MYL2: variants seen among roughly 807,000 people sequenced by gnomAD.
The protein encoded by MYL2 is myosin regulatory light chain 2, ventricular/cardiac muscle isoform.
In MYL2, 19 loss-of-function variants were observed where a neutral mutation model predicts 23.0. That is an observed-to-expected ratio of 0.83 (90% CI 0.58 to 1.21). The LOEUF is 1.21. Among genes scored for constraint, MYL2 ranks in the 50% most tolerant of loss-of-function variants. The probability of loss-of-function intolerance (pLI) is 0.00; values close to 1 mark genes in which losing one functional copy is unlikely to be tolerated. For synonymous variants in MYL2, 78 were observed against 76.2 expected, an observed-to-expected ratio of 1.02 and a Z score of -0.13; for missense variants, 180 against 215.1, an observed-to-expected ratio of 0.84 and a Z score of 1.02.
intron 1 of MYL2, 36 bp downstream of exon 1, chr12:110,920,491 C>G (rs767025175): frequency 3.7e-5 from 59 of 1,613,966 alleles, no homozygotes; most frequent in African/African-American, 8.0e-5. Context: ...TCCTCGCCCA[C>G]CCGGCATCAT....
Position 110,918,947 on chromosome 12 carries a change from T to C in MYL2, c.93+157A>G, listed in dbSNP as rs1035535585. 2 of 650,020 alleles carry C rather than the reference T, an allele frequency of 3.1e-6. No individual in the cohort carries two copies. The highest frequency in any genetic ancestry group is 3.8e-5 in the South Asian group (2 of 52,530). The allele number at this position is 650,020 out of a possible 1,614,324, so 40.3% of individuals were successfully genotyped here. On this transcript the variant is annotated intron_variant, in intron 2 of 6. Transcript: ENST00000228841. The surrounding 1 kb of genome is among the most constrained non-coding windows in gnomAD (Gnocchi z 4.4). ...AGTGAAAATATTAAAAATAGTTTCT[T>C]TTAAAAATTCACACATCCGTTCAGG...
At position 110,917,545 on chromosome 12, in the gene MYL2, C is replaced by T. The variant is rs764050083; in HGVS notation, c.93+1559G>A. Among the ~76,000 whole-genome samples the T allele has an allele frequency of 3.9e-5, 6 of 152,268 alleles. No individual in the cohort carries two copies. In the South Asian group the frequency reaches 1.2e-3, roughly 32 times the overall value. ...CAGACCAAATGGGGAATCCTGGCTA[C>T]ATGTTTTGAGTTCTTTGCATCCCTT... is the stretch of plus-strand genomic sequence containing the variant. On this transcript the variant is annotated intron_variant, in intron 2 of 6. Transcript: ENST00000228841.
chr12:110,921,405 T>C (rs981726977), upstream of MYL2, among the ~76,000 whole-genome samples: 1 of 152,098 alleles, frequency 6.6e-6, no homozygotes, highest in African/African-American at 2.4e-5. Flanking sequence ...CGCTCCGATC[T>C]CCCTTCTTTG....
intron 4 of MYL2, among the ~76,000 whole-genome samples, chr12:110,913,714 G>C (rs538764064): frequency 6.6e-6 from 1 of 152,288 alleles, no homozygotes; most frequent in African/African-American, 2.4e-5. Context: ...GTCTGACTTA[G>C]GTTAAGTCTT....
intron 4 of MYL2, among the ~76,000 whole-genome samples, chr12:110,913,666 A>G (rs951514392): frequency 3.9e-5 from 6 of 152,178 alleles, no homozygotes; most frequent in African/African-American, 1.4e-4. Context: ...CCTAGTTGCT[A>G]TTAAGTGGGG....
chr12:110,917,425 C>T (rs1036162380), intron 2 of MYL2, among the ~76,000 whole-genome samples: 3 of 151,724 alleles, frequency 2.0e-5, no homozygotes, highest in Non-Finnish European at 4.4e-5. Flanking sequence ...GAAACCCTGT[C>T]TCTAGTAAAA....
At chr12:110,917,490 GACAAACAAACAA>G (rs113958682) in intron 2 of MYL2, among the ~76,000 whole-genome samples, 2 of 149,724 alleles carry the variant, frequency 1.3e-5, no homozygotes, top group African/African-American at 4.9e-5. Context: ...CATTTACTCA[GACAAACAAACAA>G]ACAAACAAAC....
At chr12:110,913,178 T>C (rs777809672) in intron 5 of MYL2, 34 bp from the exon 6 acceptor site, 24 of 1,610,430 alleles carry the variant, frequency 1.5e-5, no homozygotes, top group Non-Finnish European at 2.0e-5. Flanking sequence ...TTGGTGTCAG[T>C]TGTGTGTGTG....
upstream of MYL2, chr12:110,920,662 G>A: frequency 7.2e-7 from 1 of 1,384,226 alleles, no homozygotes; most frequent in East Asian, 2.3e-5. Context: ...AGTCATAGGT[G>A]AGGCGGGCAC....
chr12:110,919,915 C>T (rs1483695436), intron 1 of MYL2, among the ~76,000 whole-genome samples: 1 of 152,176 alleles, frequency 6.6e-6, no homozygotes, highest in African/African-American at 2.4e-5. Flanking sequence ...GCAACTGAGG[C>T]TCAGAGAGGT....
Position 110,911,024 on chromosome 12 carries a change from G to A in MYL2, c.*53C>T. 1 of 1,478,056 alleles carries A rather than the reference G, an allele frequency of 6.8e-7. No homozygotes were observed. The highest frequency in any genetic ancestry group is 9.5e-7 in the Non-Finnish European group (1 of 1,056,448). 91.6% of individuals were successfully genotyped at this position (1,478,056 alleles called of 1,614,324 possible). ...GGCGGTACTCGGGGGAGAGAGATGA[G>A]GGCAGGGACCACTCTGCAAAGACGA... On this transcript the variant is annotated 3_prime_UTR_variant, in exon 7 of 7. Transcript: ENST00000228841.
chr12:110,916,207 A>AT (rs1285110167), intron 2 of MYL2, among the ~76,000 whole-genome samples: 3 of 152,176 alleles, frequency 2.0e-5, no homozygotes, highest in African/African-American at 7.2e-5. Context: ...GTGGTGGCGC[A>AT]TGCCTGTAAT....
chr12:110,920,727 G>A (rs975119249), upstream of MYL2: 32 of 724,782 alleles, frequency 4.4e-5, 1 homozygote, highest in Non-Finnish European at 7.3e-5. Flanking sequence ...TGGCTCACTC[G>A]CCACTGGGTG....
In MYL2 at chr12:110,911,020, A is replaced by G; in HGVS notation, c.*57T>C. 1 of 1,445,512 alleles carries G rather than the reference A, an allele frequency of 6.9e-7. No homozygotes were observed. The highest frequency in any genetic ancestry group is 2.3e-5 in the East Asian group (1 of 43,926). 89.5% of individuals were successfully genotyped at this position (1,445,512 alleles called of 1,614,324 possible). ...CAGAGGCGGTACTCGGGGGAGAGAG[A>G]TGAGGGCAGGGACCACTCTGCAAAG... On this transcript the variant is annotated 3_prime_UTR_variant, in exon 7 of 7. Transcript: ENST00000228841.
chr12:110,920,486 G>A (rs111694466), intron 1 of MYL2, 41 bp downstream of exon 1: 3 of 1,613,638 alleles, frequency 1.9e-6, no homozygotes, highest in East Asian at 2.2e-5. Flanking sequence ...TCCTCTCCTC[G>A]CCCACCCGGC....
At chr12:110,913,987 C>T (rs542191888) in intron 4 of MYL2, among the ~76,000 whole-genome samples, 199 bp downstream of exon 4, 1 of 152,294 alleles carries the variant, frequency 6.6e-6, no homozygotes, top group Non-Finnish European at 1.5e-5. Context: ...GAACTCCTGA[C>T]CTCAAGTGAT....
At chr12:110,920,923 G>A (rs1404060768), upstream of MYL2, among the ~76,000 whole-genome samples, 3 of 152,232 alleles carry the variant, frequency 2.0e-5, no homozygotes, top group East Asian at 5.8e-4. Context: ...CCTGGATCTG[G>A]CCTCAGGGTC....
intron 1 of MYL2, 146 bp downstream of exon 1, chr12:110,920,381 G>T: frequency 9.0e-7 from 1 of 1,113,896 alleles, no homozygotes; most frequent in Non-Finnish European, 1.4e-6. Flanking sequence ...GTTCCTCTGT[G>T]CCCGCGCAGT....
chr12:110,913,000 G>T, intron 6 of MYL2, 96 bp downstream of exon 6: 1 of 1,300,654 alleles, frequency 7.7e-7, no homozygotes, highest in South Asian at 1.2e-5. Flanking sequence ...CTGTCAGTGT[G>T]GGGTCAGGGG....
Sources: gnomAD v4.1 joint callset for allele counts (sites outside exome capture counted in the v4.1 genomes callset) on GRCh38, gnomAD v4.1.1 for gene constraint, Gnocchi (gnomAD v3.1) non-coding constraint, MANE v1.5 for transcripts, NCBI Gene and HGNC (gene_info 2026-07-23, HGNC 2026-07-21) for gene names.